Variants in SV2B observed in about 807,000 individuals in gnomAD.
SV2B encodes the protein synaptic vesicle glycoprotein 2B, also known as solute carrier family 22 member B2.
In SV2B, 41 loss-of-function variants were observed where a neutral mutation model predicts 73.9. That is an observed-to-expected ratio of 0.56 (90% confidence interval 0.43 to 0.72). SV2B has a LOEUF of 0.72. Among genes scored for constraint, SV2B ranks in the 30% least tolerant of loss-of-function variants. The pLI is 0.00. For missense variants in SV2B, 764 were observed against 857.8 expected, an observed-to-expected ratio of 0.89 and a Z score of 1.37; for synonymous variants, 314 against 314.2, an observed-to-expected ratio of 1.00 and a Z score of 0.01.
chr15:91,126,539 C>T (rs889886844), intron 1 of SV2B, among the ~76,000 whole-genome samples: 25 of 152,138 alleles, frequency 1.6e-4, no homozygotes, highest in African/African-American at 5.8e-4. Context: ...TATTTGTTTC[C>T]TATTGCTGCT....
At position 91,140,898 on chromosome 15, in the gene SV2B, C is replaced by T. The variant is rs1833925343; in HGVS notation, c.-392+40535C>T. 6.6e-6 allele frequency among the ~76,000 whole-genome samples: 1 copy of T among 152,056 alleles called. No homozygotes were observed. Among genetic ancestry groups the T allele is most frequent in the Non-Finnish European group, 1.5e-5 (1 of 68,004 alleles). ...ACCGAGATAGAAGACTCTCTGTTTTCTTATGGCCACAGGCAGCAAAGAGAA... is the reference window on the plus strand; with the variant it reads ...ACCGAGATAGAAGACTCTCTGTTTTTTTATGGCCACAGGCAGCAAAGAGAA... On this transcript the variant is annotated intron_variant, in intron 1 of 12. Transcript: ENST00000394232. This position sits in a 1 kb window ranked among gnomAD's most constrained non-coding sequence, Gnocchi z 4.4.
At chr15:91,156,121 G>A (rs1302101913) in intron 1 of SV2B, among the ~76,000 whole-genome samples, 1 of 152,130 alleles carries the variant, frequency 6.6e-6, no homozygotes, top group Non-Finnish European at 1.5e-5. Context: ...ATCACTCCAG[G>A]CTGGGGCTTG....
chr15:91,119,402 A>C (rs1369748580), intron 1 of SV2B, among the ~76,000 whole-genome samples: 1 of 152,212 alleles, frequency 6.6e-6, no homozygotes, highest in Non-Finnish European at 1.5e-5. Context: ...GAATTTAGCA[A>C]GTGACAAACC....
intron 9 of SV2B, among the ~76,000 whole-genome samples, chr15:91,271,806 C>G (rs2048326716): frequency 6.6e-6 from 1 of 152,160 alleles, no homozygotes. Flanking sequence ...AACCCCAACC[C>G]TCTTCTGAGC....
intron 6 of SV2B, among the ~76,000 whole-genome samples, 190 bp downstream of exon 6, chr15:91,260,599 C>G (rs1377939327): frequency 6.6e-6 from 1 of 152,094 alleles, no homozygotes; most frequent in African/African-American, 2.4e-5. Context: ...CCTTAGGTTG[C>G]TAGTTGTTTT....
chr15:91,129,063 T>C lies in SV2B; in HGVS notation c.-392+28700T>C, dbSNP rs1049311423. Among the ~76,000 whole-genome samples, 5 of 152,236 alleles carry C rather than the reference T, an allele frequency of 3.3e-5. No individual in the cohort carries two copies. Among genetic ancestry groups the C allele is most frequent in the African/African-American group, 1.2e-4 (5 of 41,452 alleles). On this transcript the variant is annotated intron_variant, in intron 1 of 12. Transcript: ENST00000394232. This position sits in a 1 kb window ranked among gnomAD's most constrained non-coding sequence, Gnocchi z 5.1. The stretch of plus-strand genomic sequence containing the variant: ...AAACTTCAGAGGGCCAGGGAGCCCT[T>C]GGCCCCTACATGGCCACATGTAAGT...
rs1483346951 is a variant in SV2B at position 91,232,450 on chromosome 15, A to G, written c.451+5736A>G. On this transcript the variant is annotated intron_variant, in intron 2 of 12. Coordinates refer to ENST00000394232, the MANE Select transcript of SV2B (RefSeq NM_001323032.3). This position sits in a 1 kb window ranked among gnomAD's most constrained non-coding sequence, Gnocchi z 4.7. ...GAGTGTGGAGTTGATTCCACCGGCA[A>G]TGGAGAGCTGTTTAATGGGGAGCTA... Among the ~76,000 whole-genome samples the G allele has an allele frequency of 6.6e-6, 1 of 152,278 alleles. No homozygotes were observed.
In SV2B at chr15:91,288,759, C is replaced by G. The variant is rs528277143; in HGVS notation, c.1709-762C>G. 6.6e-6 allele frequency among the ~76,000 whole-genome samples: 1 copy of G among 152,224 alleles called. No individual in the cohort carries two copies. Among genetic ancestry groups the G allele is most frequent in the African/African-American group, 2.4e-5 (1 of 41,526 alleles). On this transcript the variant is annotated intron_variant, in intron 11 of 12. Coordinates refer to ENST00000394232, the MANE Select transcript of SV2B (RefSeq NM_001323032.3). The surrounding 1 kb of genome is among the most constrained non-coding windows in gnomAD (Gnocchi z 5.8). ...GTGGCGCCATCTCGGCTCACTGCAA[C>G]CTCTGCCTCCCAGCTTCAAATAATT...
chr15:91,300,252 T>G lies in SV2B; in HGVS notation c.*7700T>G, dbSNP rs1389088314. 2 of 152,186 alleles carry G rather than the reference T, an allele frequency of 1.3e-5. No homozygotes were observed. Among genetic ancestry groups the G allele is most frequent in the Non-Finnish European group, 2.9e-5 (2 of 68,034 alleles). 9.4% of individuals were successfully genotyped at this position (152,186 alleles called of 1,614,324 possible). ...AGGAAGGAGGAATATCTGACTATTT[T>G]TTTTTGTGTGTGAGATTTGGTCTCA... On this transcript the variant is annotated 3_prime_UTR_variant, in exon 13 of 13. Coordinates refer to ENST00000394232, the MANE Select transcript of SV2B (RefSeq NM_001323032.3).
intron 1 of SV2B, chr15:91,101,854 A>T (rs1188031791): frequency 6.6e-6 from 1 of 152,202 alleles, no homozygotes; most frequent in East Asian, 1.9e-4. Context: ...CACACACAAT[A>T]CAAGTCAGAC....
At position 91,115,695 on chromosome 15, in the gene SV2B, G is replaced by C. The variant is rs910528990; in HGVS notation, c.-392+15332G>C. Among the ~76,000 whole-genome samples the C allele has an allele frequency of 6.6e-6, 1 of 151,982 alleles. No homozygotes were observed. Among genetic ancestry groups the C allele is most frequent in the Non-Finnish European group, 1.5e-5 (1 of 67,994 alleles). ...CCTGGCCTTCCTTATTTTTTTCTAA[G>C]GGGTTTCTAAGGGGTTCACATTTTT... On this transcript the variant is annotated intron_variant, in intron 1 of 12. Coordinates refer to ENST00000394232, the MANE Select transcript of SV2B (RefSeq NM_001323032.3). The surrounding 1 kb of genome is among the most constrained non-coding windows in gnomAD (Gnocchi z 4.3).
chr15:91,116,175 A>G (rs538793135), intron 1 of SV2B, among the ~76,000 whole-genome samples: 7 of 152,208 alleles, frequency 4.6e-5, no homozygotes, highest in Non-Finnish European at 1.0e-4. Context: ...CTCCCTGTGC[A>G]TAGGACATCT....
rs142008008 is a variant in SV2B at position 91,268,630 on chromosome 15, C to T, written c.1373+25C>T. ...AGTAAGTGAGTGATCACGGGCTTCCCTCACATCAGGGTGACAGTCGTGGGG... is the reference window on the plus strand; with the variant it reads ...AGTAAGTGAGTGATCACGGGCTTCCTTCACATCAGGGTGACAGTCGTGGGG... On this transcript the variant is annotated intron_variant, in intron 9 of 12. Transcript: ENST00000394232. This position sits in a 1 kb window ranked among gnomAD's most constrained non-coding sequence, Gnocchi z 4.4. 8.1e-6 allele frequency: 13 copies of T among 1,601,262 alleles called. No homozygotes were observed. The highest frequency in any genetic ancestry group is 1.1e-5 in the Non-Finnish European group (13 of 1,169,924).
intron 1 of SV2B, among the ~76,000 whole-genome samples, chr15:91,144,545 A>T (rs1171517978): frequency 1.3e-5 from 2 of 152,194 alleles, no homozygotes; most frequent in Admixed American, 1.3e-4. Flanking sequence ...ATACTTTCTT[A>T]ATAATTGATG....
intron 11 of SV2B, among the ~76,000 whole-genome samples, chr15:91,287,806 A>C (rs1446093459): frequency 6.6e-6 from 1 of 152,182 alleles, no homozygotes; most frequent in African/African-American, 2.4e-5. Context: ...GGAAACAAAT[A>C]AGGCAGGTGA....
intron 1 of SV2B, among the ~76,000 whole-genome samples, chr15:91,138,231 A>G (rs2042901440): frequency 6.6e-6 from 1 of 152,250 alleles, no homozygotes; most frequent in South Asian, 2.1e-4. Context: ...CTGCAATGAT[A>G]GGAATGTTCT....
chr15:91,248,418 T>C (rs1213892942), intron 2 of SV2B, among the ~76,000 whole-genome samples: 1 of 152,254 alleles, frequency 6.6e-6, no homozygotes, highest in Non-Finnish European at 1.5e-5. Flanking sequence ...TCTTCTTCCT[T>C]GGAAATCCAC....
At chr15:91,213,315 C>A (rs1240871382) in intron 1 of SV2B, among the ~76,000 whole-genome samples, 1 of 152,180 alleles carries the variant, frequency 6.6e-6, no homozygotes, top group East Asian at 1.9e-4. Flanking sequence ...AGATACCTAT[C>A]TGGCAGTGGG....
rs1478386110 is a variant in SV2B at position 91,234,068 on chromosome 15, T to C, written c.451+7354T>C. On this transcript the variant is annotated intron_variant, in intron 2 of 12. Coordinates refer to ENST00000394232, the MANE Select transcript of SV2B (RefSeq NM_001323032.3). The surrounding 1 kb of genome is among the most constrained non-coding windows in gnomAD (Gnocchi z 5.6). Reference sequence around the variant, plus strand: ...CAGCTTGTAGGGCTGGAAAAAACTCTACTATTTGTTTCATTGGTTGGCTGA... The same window carrying C: ...CAGCTTGTAGGGCTGGAAAAAACTCCACTATTTGTTTCATTGGTTGGCTGA... 2.0e-5 allele frequency among the ~76,000 whole-genome samples: 3 copies of C among 152,218 alleles called. No homozygotes were observed. Among genetic ancestry groups the C allele is most frequent in the African/African-American group, 7.2e-5 (3 of 41,474 alleles).
Sources: allele counts gnomAD v4.1 joint callset (sites outside exome capture counted in the v4.1 genomes callset), GRCh38; gene constraint gnomAD v4.1.1; non-coding constraint Gnocchi (gnomAD v3.1); transcripts MANE v1.5; gene names NCBI Gene and HGNC (gene_info 2026-07-23, HGNC 2026-07-21).